TCF12: variants seen among roughly 807,000 people sequenced by gnomAD.
TCF12 encodes the protein DNA-binding protein HTF4.
In TCF12, 45 loss-of-function variants were observed where a neutral mutation model predicts 86.0. The observed-to-expected ratio is 0.52, with a 90% CI of 0.41 to 0.67. TCF12 has a LOEUF of 0.67. Among genes scored for constraint, TCF12 ranks in the 30% least tolerant of loss-of-function variants. The pLI is 0.00. For synonymous variants in TCF12, 330 were observed against 299.6 expected (o/e 1.10, Z -1.05); for missense variants, 881 against 859.9 (o/e 1.02, Z -0.31).
At chr15:57,103,628 C>G (rs1397369625) in intron 5 of TCF12, among the ~76,000 whole-genome samples, 1 of 152,084 alleles carries the variant, frequency 6.6e-6, no homozygotes, top group South Asian at 2.1e-4. Flanking sequence ...TGAAAATACA[C>G]GTAAAGATGT....
intron 3 of TCF12, among the ~76,000 whole-genome samples, chr15:56,980,057 T>A (rs1480670869): frequency 6.6e-6 from 1 of 152,174 alleles, no homozygotes; most frequent in Non-Finnish European, 1.5e-5. Flanking sequence ...TGTTCATTTA[T>A]AAGTCAAGAT....
At chr15:57,172,161 A>G (rs1322491894) in intron 6 of TCF12, among the ~76,000 whole-genome samples, 4 of 152,214 alleles carry the variant, frequency 2.6e-5, no homozygotes, top group African/African-American at 9.6e-5. Flanking sequence ...ATAATAAAAT[A>G]ATAAAAGAGT....
At chr15:56,961,596 A>G (rs770165353) in intron 3 of TCF12, among the ~76,000 whole-genome samples, 1 of 152,204 alleles carries the variant, frequency 6.6e-6, no homozygotes, top group Admixed American at 6.5e-5. Context: ...TGAGGCTTGT[A>G]TTAGTAATGT....
At chr15:57,160,743 A>C (rs181219778) in intron 5 of TCF12, among the ~76,000 whole-genome samples, 116 of 152,094 alleles carry the variant, frequency 7.6e-4, no homozygotes, top group Non-Finnish European at 1.5e-3. Context: ...CCTAGGCTGA[A>C]ATGCAGTGGC....
At chr15:57,237,146 A>AGTGTGTGTGT (rs202142819) in intron 12 of TCF12, among the ~76,000 whole-genome samples, 3 of 150,374 alleles carry the variant, frequency 2.0e-5, no homozygotes, top group South Asian at 2.1e-4. Flanking sequence ...AGAGAGAGAG[A>AGTGTGTGTGT]GAGTGTGTGT....
chr15:57,204,015 C>T (rs2057687842), intron 8 of TCF12, among the ~76,000 whole-genome samples: 1 of 151,552 alleles, frequency 6.6e-6, no homozygotes, highest in Non-Finnish European at 1.5e-5. Flanking sequence ...TTTGCTAGCT[C>T]TTCTCCACCA....
chr15:57,245,462 T>C (rs1356066506), intron 13 of TCF12, among the ~76,000 whole-genome samples: 1 of 152,242 alleles, frequency 6.6e-6, no homozygotes, highest in African/African-American at 2.4e-5. Context: ...ATCAATGTCA[T>C]TTTTGCTACA....
intron 5 of TCF12, among the ~76,000 whole-genome samples, chr15:57,096,492 T>C (rs1371766445): frequency 2.0e-5 from 3 of 152,118 alleles, no homozygotes; most frequent in African/African-American, 7.2e-5. Flanking sequence ...CTGTGAGGGA[T>C]TGGGTCCCCT....
intron 3 of TCF12, among the ~76,000 whole-genome samples, chr15:57,033,055 A>T (rs1339632006): frequency 6.6e-6 from 1 of 152,194 alleles, no homozygotes; most frequent in East Asian, 1.9e-4. Context: ...CTGCGGATGG[A>T]CTCAATAACA....
At chr15:57,048,888 C>T (rs1362679425) in intron 3 of TCF12, among the ~76,000 whole-genome samples, 2 of 152,116 alleles carry the variant, frequency 1.3e-5, no homozygotes, top group African/African-American at 4.8e-5. Context: ...TTTATATCAT[C>T]AAGATATAAA....
At chr15:57,266,356 G>A (rs1310169240) in intron 18 of TCF12, among the ~76,000 whole-genome samples, 2 of 152,084 alleles carry the variant, frequency 1.3e-5, no homozygotes, top group Non-Finnish European at 2.9e-5. Flanking sequence ...GGGATTACAG[G>A]CGTGAGCCAC....
intron 8 of TCF12, chr15:57,214,186 G>C (rs1186616175): frequency 1.3e-5 from 2 of 152,194 alleles, no homozygotes; most frequent in Admixed American, 6.5e-5. Context: ...AAACTGCTTT[G>C]TCGTTGTGAG....
In TCF12 at chr15:57,289,733, A is replaced by C. The variant is rs750796322; in HGVS notation, c.*3588A>C. ...TCATTTTCCTATCTGAAAAATGGAGATAACATTAGAATTGTGTAAGTATTG... is the reference window on the plus strand; with the variant it reads ...TCATTTTCCTATCTGAAAAATGGAGCTAACATTAGAATTGTGTAAGTATTG... On this transcript the variant is annotated 3_prime_UTR_variant, in exon 21 of 21. Transcript: ENST00000333725. The C allele has an allele frequency of 6.6e-5, 10 of 152,182 alleles. No individual in the cohort carries two copies. Among genetic ancestry groups the C allele is most frequent in the Non-Finnish European group, 1.0e-4 (7 of 68,038 alleles). 9.4% of individuals were successfully genotyped at this position (152,182 alleles called of 1,614,324 possible). A position where few individuals can be genotyped will look rare whatever the true frequency, so the allele number is the denominator to read the frequency against.
intron 3 of TCF12, among the ~76,000 whole-genome samples, chr15:57,043,943 CT>C (rs532331856): frequency 7.4e-4 from 110 of 149,098 alleles, no homozygotes; most frequent in Admixed American, 1.4e-3. Flanking sequence ...CCATATTAAA[CT>C]TTTTTTTTTA....
intron 3 of TCF12, among the ~76,000 whole-genome samples, chr15:57,026,863 A>G (rs1194805661): frequency 1.3e-5 from 2 of 152,078 alleles, no homozygotes; most frequent in African/African-American, 4.8e-5. Context: ...TTTGCATATA[A>G]CCTGTGCACA....
At chr15:57,214,100 G>A (rs1293676287) in intron 8 of TCF12, 1 of 152,172 alleles carries the variant, frequency 6.6e-6, no homozygotes, top group Non-Finnish European at 1.5e-5. Flanking sequence ...ATTCACGTAG[G>A]GAAGGAAAGG....
At chr15:57,002,799 C>T (rs1165627700) in intron 3 of TCF12, among the ~76,000 whole-genome samples, 3 of 152,210 alleles carry the variant, frequency 2.0e-5, no homozygotes, top group Non-Finnish European at 1.5e-5. Context: ...GCTTCTCATG[C>T]TGTACTACTG....
At chr15:57,252,834 C>T (rs1397661128) in intron 15 of TCF12, among the ~76,000 whole-genome samples, 2 of 151,286 alleles carry the variant, frequency 1.3e-5, no homozygotes, top group Non-Finnish European at 2.9e-5. Flanking sequence ...GCTTTATATA[C>T]TTAAGACAAA....
At chr15:56,995,421 T>C (rs2063663784) in intron 3 of TCF12, among the ~76,000 whole-genome samples, 1 of 151,924 alleles carries the variant, frequency 6.6e-6, no homozygotes, top group African/African-American at 2.4e-5. Flanking sequence ...ATTTTAATGA[T>C]GTTGATTCTT....
Sources: gnomAD v4.1 joint callset for allele counts (sites outside exome capture counted in the v4.1 genomes callset) on GRCh38, gnomAD v4.1.1 for gene constraint, MANE v1.5 for transcripts, NCBI Gene and HGNC (gene_info 2026-07-23, HGNC 2026-07-21) for gene names.